Variants in MID1 observed in about 807,000 individuals in gnomAD.
MID1 encodes the protein E3 ubiquitin-protein ligase Midline-1.
MID1 carries 7 observed loss-of-function variants against 40.4 expected under a neutral mutation model. The ratio of observed to expected loss-of-function variants is 0.17; its 90% CI spans 0.10 to 0.33. The LOEUF (loss-of-function observed/expected upper bound fraction) is 0.33. Ranked by LOEUF, MID1 falls within the 10% of genes least tolerant of loss-of-function variation. The pLI, the probability that MID1 is intolerant of heterozygous loss-of-function variation, is 1.00. For missense variants in MID1, 367 were observed against 558.5 expected (o/e 0.66, Z 3.46); for synonymous variants, 229 against 221.2 (o/e 1.04, Z -0.31).
At chrX:10,639,871 G>A (rs964318511) in intron 1 of MID1, among the ~76,000 whole-genome samples, 1 of 111,708 alleles carries the variant, frequency 9.0e-6, no homozygotes, top group African/African-American at 3.3e-5. Context: ...CAACATTCTT[G>A]AAGAAAAGAA....
intron 1 of MID1, among the ~76,000 whole-genome samples, chrX:10,714,908 TACA>T (rs1389090626): frequency 1.8e-5 from 2 of 112,602 alleles, no homozygotes; most frequent in Non-Finnish European, 3.7e-5. Context: ...ACCACTAACA[TACA>T]ACAATTTCAA....
intron 1 of MID1, among the ~76,000 whole-genome samples, chrX:10,814,734 C>G (rs1224703784): frequency 9.0e-6 from 1 of 111,401 alleles, no homozygotes; most frequent in Non-Finnish European, 1.9e-5. Flanking sequence ...CTGGCAACTA[C>G]TAATCTGTTC....
intron 1 of MID1, among the ~76,000 whole-genome samples, chrX:10,658,084 A>C (rs771791118): frequency 9.0e-6 from 1 of 111,367 alleles, no homozygotes; most frequent in South Asian, 3.8e-4. Flanking sequence ...CTCTCTATAA[A>C]TCTATGACCT....
At chrX:10,458,281 T>C (rs758494480) in intron 8 of MID1, among the ~76,000 whole-genome samples, 2 of 112,510 alleles carry the variant, frequency 1.8e-5, no homozygotes, top group South Asian at 7.4e-4. Context: ...TATGTACTTT[T>C]AGAATTACTT....
At chrX:10,762,817 C>A (rs745496692) in intron 1 of MID1, among the ~76,000 whole-genome samples, 1 of 111,808 alleles carries the variant, frequency 8.9e-6, no homozygotes, top group Non-Finnish European at 1.9e-5. Context: ...CTTCCCTCCC[C>A]TATCCTCCAT....
chrX:10,805,348 A>G (rs2044037420), intron 1 of MID1, among the ~76,000 whole-genome samples: 1 of 103,717 alleles, frequency 9.6e-6, no homozygotes, highest in Admixed American at 1.1e-4. Flanking sequence ...GCGATAGTTT[A>G]CTGAGAATGA....
At chrX:10,694,778 A>G (rs761683678) in intron 1 of MID1, among the ~76,000 whole-genome samples, 3 of 112,370 alleles carry the variant, frequency 2.7e-5, no homozygotes, top group Non-Finnish European at 5.6e-5. Flanking sequence ...CAAAAATTTT[A>G]ACAGTGTGAA....
chrX:10,560,972 C>T lies in MID1; in HGVS notation c.660+5916G>A, dbSNP rs753423499. ...TCACACTACCTGACTTCAAACTATA[C>T]GAGGCTACAGTAACCAAAAACAGCA... On this transcript the variant is annotated intron_variant, in intron 2 of 9. Coordinates refer to ENST00000317552, the MANE Select transcript of MID1 (RefSeq NM_000381.4). Among the ~76,000 whole-genome samples the T allele has an allele frequency of 2.2e-3, 230 of 106,659 alleles. 36 individuals carry two copies. Among genetic ancestry groups the T allele is most frequent in the African/African-American group, 8.3e-3 (222 of 26,655 alleles). The allele number at this position is 106,659 out of a possible 115,157, so 92.6% of individuals were successfully genotyped here. A position where few individuals can be genotyped will look rare whatever the true frequency, so the allele number is the denominator to read the frequency against.
Position 10,471,059 on chromosome X carries a change from T to C in MID1, c.1142-1219A>G, listed in dbSNP as rs760288181. Reference sequence around the variant, plus strand: ...TATGGACTGCAAAGCCTAAAGTGTCTACTATCTGGTGGTTTGCAGTCAAAG... The same window carrying C: ...TATGGACTGCAAAGCCTAAAGTGTCCACTATCTGGTGGTTTGCAGTCAAAG... On this transcript the variant is annotated intron_variant, in intron 6 of 9. Transcript: ENST00000317552. 7.1e-4 allele frequency among the ~76,000 whole-genome samples: 79 copies of C among 111,973 alleles called. 1 individual carries two copies. The highest frequency in any genetic ancestry group is 2.3e-3 in the African/African-American group (72 of 30,859).
intron 5 of MID1, among the ~76,000 whole-genome samples, chrX:10,476,281 T>C (rs1007938083): frequency 4.5e-5 from 5 of 111,046 alleles, no homozygotes; most frequent in Admixed American, 9.6e-5. Context: ...TGGAAGTGTT[T>C]TGGAACTTGA....
chrX:10,663,074 A>C (rs2042926609), intron 1 of MID1, among the ~76,000 whole-genome samples: 1 of 112,018 alleles, frequency 8.9e-6, no homozygotes, highest in African/African-American at 3.2e-5. Context: ...ACCTAGGAAC[A>C]CGGCTCTGTA....
chrX:10,644,966 A>T (rs928392880), intron 1 of MID1, among the ~76,000 whole-genome samples: 5 of 112,108 alleles, frequency 4.5e-5, no homozygotes, highest in Non-Finnish European at 7.5e-5. Context: ...TTGAAGTCAG[A>T]CATCTTTTGA....
chrX:10,598,385 T>C (rs1312624715), intron 1 of MID1, among the ~76,000 whole-genome samples: 1 of 112,066 alleles, frequency 8.9e-6, no homozygotes, highest in Non-Finnish European at 1.9e-5. Flanking sequence ...CCTTCTGTGG[T>C]AGGCAGACTT....
intron 5 of MID1, among the ~76,000 whole-genome samples, chrX:10,481,732 C>G (rs2147297954): frequency 8.9e-6 from 1 of 112,517 alleles, no homozygotes; most frequent in Admixed American, 9.3e-5. Flanking sequence ...AGGCGTGAGC[C>G]ACCGTGCCCG....
intron 1 of MID1, among the ~76,000 whole-genome samples, chrX:10,683,995 C>A (rs921926074): frequency 5.5e-5 from 6 of 108,916 alleles, no homozygotes; most frequent in Non-Finnish European, 3.8e-5. Context: ...GTCTCAAACT[C>A]CTGACCTCAA....
intron 2 of MID1, among the ~76,000 whole-genome samples, chrX:10,561,197 C>T (rs1934324080): frequency 9.3e-6 from 1 of 107,224 alleles, no homozygotes; most frequent in African/African-American, 3.7e-5. Context: ...CCCTTCATTA[C>T]ATCTTATACA....
At chrX:10,631,445 T>TA (rs1438267860) in intron 1 of MID1, among the ~76,000 whole-genome samples, 2 of 111,600 alleles carry the variant, frequency 1.8e-5, no homozygotes, top group African/African-American at 6.5e-5. Flanking sequence ...GTCACACAGC[T>TA]AGGAGGCCAT....
chrX:10,793,379 C>T (rs12014365), intron 1 of MID1, among the ~76,000 whole-genome samples: 10,878 of 112,074 alleles, frequency 0.097, 1,258 homozygotes, highest in African/African-American at 0.33. Flanking sequence ...AGCGATCTCA[C>T]GTGGATGGTG....
chrX:10,481,069 T>C (rs912480668), intron 5 of MID1, among the ~76,000 whole-genome samples: 1 of 112,283 alleles, frequency 8.9e-6, no homozygotes, highest in African/African-American at 3.2e-5. Context: ...TACTGCCTGT[T>C]TTTGTAATGG....
Sources: gnomAD v4.1 joint callset for allele counts (sites outside exome capture counted in the v4.1 genomes callset) on GRCh38, gnomAD v4.1.1 for gene constraint, MANE v1.5 for transcripts, NCBI Gene and HGNC (gene_info 2026-07-23, HGNC 2026-07-21) for gene names.